NCF2: variants seen among roughly 807,000 people sequenced by gnomAD.
NCF2 encodes neutrophil cytosol factor 2.
In NCF2, 45 loss-of-function variants were observed where a neutral mutation model predicts 70.9. The observed-to-expected ratio is 0.63, with a 90% CI of 0.50 to 0.81. The LOEUF is 0.81. NCF2 is among the 40% of genes least tolerant of loss of function. NCF2 has a pLI of 0.00. For synonymous variants in NCF2, 203 were observed against 233.6 expected (o/e 0.87, Z 1.19); for missense variants, 522 against 631.6 (o/e 0.83, Z 1.86).
upstream of NCF2, among the ~76,000 whole-genome samples, chr1:183,592,895 C>T (rs112516933): frequency 0.022 from 3,393 of 152,194 alleles, 123 homozygotes; most frequent in African/African-American, 0.077. Flanking sequence ...TGCATCTGTG[C>T]GACTCGTGCT....
intron 3 of NCF2, among the ~76,000 whole-genome samples, chr1:183,575,361 T>C (rs1422525855): frequency 6.6e-6 from 1 of 152,126 alleles, no homozygotes; most frequent in African/African-American, 2.4e-5. Flanking sequence ...TCTCAGCTAC[T>C]TGGAGGCTGA....
rs1456888116 is a variant in NCF2 at position 183,556,084 on chromosome 1, T to A, written c.*34A>T. ...AATCTTACAAACAAGTAATAGGGCTTCATTTTCTTCAGCTTTGTAGTTTGT... is the reference window on the plus strand; with the variant it reads ...AATCTTACAAACAAGTAATAGGGCTACATTTTCTTCAGCTTTGTAGTTTGT... On this transcript the variant is annotated 3_prime_UTR_variant, in exon 15 of 15. Coordinates refer to ENST00000367535, the MANE Select transcript of NCF2 (RefSeq NM_000433.4). 6.4e-7 allele frequency: 1 copy of A among 1,556,486 alleles called. No homozygotes were observed. Among genetic ancestry groups the A allele is most frequent in the Non-Finnish European group, 8.9e-7 (1 of 1,127,394 alleles).
chr1:183,556,188 C>G lies in NCF2; in HGVS notation c.1511G>C (p.Gly504Ala). 6.2e-7 allele frequency: 1 copy of G among 1,614,122 alleles called. No individual in the cohort carries two copies. The highest frequency in any genetic ancestry group is 8.5e-7 in the Non-Finnish European group (1 of 1,179,996). The stretch of plus-strand genomic sequence containing the variant: ...TTCAACAAAAACTTTGGGGAAAATG[C>G]CCACCTTCCCTTTGCACTCCCCTTC... ...WLEGECKGKV[G>A]IFPKVFVEDC... Residue 504 changes from glycine to alanine, a missense_variant, in exon 15 of 15, where the codon GGC becomes GCC. Gly to Ala is a moderately conservative substitution (Grantham distance 60). Coordinates refer to ENST00000367535, the MANE Select transcript of NCF2 (RefSeq NM_000433.4).
intron 11 of NCF2, 111 bp from the exon 12 acceptor site, chr1:183,563,696 G>A: frequency 7.4e-7 from 1 of 1,349,232 alleles, no homozygotes. Flanking sequence ...TACAGCAGGG[G>A]AGAGGCCAGT....
upstream of NCF2, among the ~76,000 whole-genome samples, chr1:183,591,520 T>C (rs1197387538): frequency 6.6e-6 from 1 of 151,474 alleles, no homozygotes; most frequent in Admixed American, 6.6e-5. Context: ...TTCACTCTTG[T>C]TGCCCAGGCT....
intron 9 of NCF2, among the ~76,000 whole-genome samples, chr1:183,566,411 T>C (rs1672300540): frequency 6.6e-6 from 1 of 152,220 alleles, no homozygotes; most frequent in Non-Finnish European, 1.5e-5. Context: ...TCTCATTTTA[T>C]TATTTTTATT....
chr1:183,559,115 G>A (rs956120026), intron 14 of NCF2, among the ~76,000 whole-genome samples: 1 of 152,124 alleles, frequency 6.6e-6, no homozygotes, highest in African/African-American at 2.4e-5. Context: ...AAGTTGGTGG[G>A]CCCCACCCCA....
the NCF2 span, among the ~76,000 whole-genome samples, chr1:183,597,300 T>A: frequency 6.6e-6 from 1 of 152,148 alleles, no homozygotes; most frequent in Non-Finnish European, 1.5e-5. Context: ...CTCAGGATAG[T>A]TTTTGTGTGT....
chr1:183,559,726 G>T (rs1436555611), intron 14 of NCF2, among the ~76,000 whole-genome samples: 1 of 152,184 alleles, frequency 6.6e-6, no homozygotes, highest in East Asian at 1.9e-4. Context: ...AGGCATGGTG[G>T]TGGGCGCCTG....
chr1:183,567,523 G>A (rs940452486), intron 7 of NCF2, 178 bp from the exon 8 acceptor site: 2 of 821,044 alleles, frequency 2.4e-6, no homozygotes, highest in Non-Finnish European at 4.2e-6. Flanking sequence ...GCAAGAAACT[G>A]GTGTACACCT....
At chr1:183,568,419 A>T (rs1039233210) in intron 7 of NCF2, among the ~76,000 whole-genome samples, 9 of 151,832 alleles carry the variant, frequency 5.9e-5, no homozygotes, top group South Asian at 2.1e-4. Flanking sequence ...CGCCCACCTC[A>T]GTCTCCCAAA....
At chr1:183,578,714 T>C (rs969406211) in intron 2 of NCF2, among the ~76,000 whole-genome samples, 20 of 152,212 alleles carry the variant, frequency 1.3e-4, no homozygotes, top group African/African-American at 4.8e-4. Flanking sequence ...GCTGCTGGAT[T>C]GGCGTGGAGC....
chr1:183,576,873 T>C (rs958983013), intron 3 of NCF2, among the ~76,000 whole-genome samples: 3 of 152,190 alleles, frequency 2.0e-5, no homozygotes, highest in Non-Finnish European at 4.4e-5. Flanking sequence ...TTTACAGGAA[T>C]TTTGGTTTTC....
In NCF2 at chr1:183,573,176, C is replaced by G. The variant is rs1284580426; in HGVS notation, c.609+9G>C. The stretch of plus-strand genomic sequence containing the variant: ...GGAGACTCAGGGGAAGCTGAGCAAT[C>G]CCACCTACCGTCGCCTTGCCTAGGT... On this transcript the variant is annotated intron_variant, in intron 5 of 14. Coordinates refer to ENST00000367535, the MANE Select transcript of NCF2 (RefSeq NM_000433.4). The G allele has an allele frequency of 6.2e-7, 1 of 1,613,110 alleles. No homozygotes were observed. Among genetic ancestry groups the G allele is most frequent in the African/African-American group, 1.3e-5 (1 of 74,882 alleles).
intron 4 of NCF2, among the ~76,000 whole-genome samples, chr1:183,574,157 C>T (rs1335147663): frequency 6.6e-6 from 1 of 152,182 alleles, no homozygotes; most frequent in East Asian, 1.9e-4. Flanking sequence ...TGTGAGGACT[C>T]AGTGGTGATC....
chr1:183,565,680 G>A, intron 10 of NCF2, 24 bp downstream of exon 10: 1 of 1,609,254 alleles, frequency 6.2e-7, no homozygotes, highest in Non-Finnish European at 8.5e-7. Context: ...CCCAGACCTA[G>A]GCTGTGGCTC....
upstream of NCF2, among the ~76,000 whole-genome samples, chr1:183,591,215 G>A (rs2102943821): frequency 6.6e-6 from 1 of 152,312 alleles, no homozygotes; most frequent in African/African-American, 2.4e-5. Flanking sequence ...GCCTGGGCAG[G>A]GTGTCACCAG....
At chr1:183,578,382 G>A (rs1273158024) in intron 2 of NCF2, among the ~76,000 whole-genome samples, 1 of 150,458 alleles carries the variant, frequency 6.6e-6, no homozygotes, top group African/African-American at 2.5e-5. Flanking sequence ...TTTTGAGACA[G>A]GGTCTCACTG....
chr1:183,599,426 C>CTTTCTTTCTTTCTT, the NCF2 span, among the ~76,000 whole-genome samples: 1 of 75,482 alleles, frequency 1.3e-5, no homozygotes, highest in African/African-American at 4.8e-5. Flanking sequence ...TTCTTTCCTT[C>CTTTCTTTCTTTCTT]TTTCTTTCTT....
Sources: allele counts gnomAD v4.1 joint callset (sites outside exome capture counted in the v4.1 genomes callset), GRCh38; gene constraint gnomAD v4.1.1; transcripts MANE v1.5; gene names NCBI Gene and HGNC (gene_info 2026-07-23, HGNC 2026-07-21).